The following SREBF1 variants were observed in gnomAD, a reference collection of about 807,000 sequenced individuals.
The protein encoded by SREBF1 is sterol regulatory element-binding protein 1.
In SREBF1, 45 loss-of-function variants were observed where a neutral mutation model predicts 100.1. The ratio of observed to expected loss-of-function variants is 0.45; its 90% CI spans 0.35 to 0.58. The LOEUF (loss-of-function observed/expected upper bound fraction) is 0.58, where lower values mean the gene tolerates loss of function less well. Among genes scored for constraint, SREBF1 ranks in the 20% least tolerant of loss-of-function variants. SREBF1 has a pLI of 0.00. For synonymous variants in SREBF1, 657 were observed against 681.8 expected, an observed-to-expected ratio of 0.96 and a Z score of 0.57; for missense variants, 1,324 against 1,539.4, an observed-to-expected ratio of 0.86 and a Z score of 2.34.
intron 1 of SREBF1, among the ~76,000 whole-genome samples, chr17:17,822,387 A>C (rs1356585534): frequency 6.6e-6 from 1 of 152,248 alleles, no homozygotes; most frequent in African/African-American, 2.4e-5. Flanking sequence ...CCTGCAGCCA[A>C]GTAGCCTCAA....
At chr17:17,818,214 G>C (rs1370771541) in intron 6 of SREBF1, 46 bp downstream of exon 6, 9 of 1,542,268 alleles carry the variant, frequency 5.8e-6, no homozygotes, top group Non-Finnish European at 8.1e-6. Flanking sequence ...GGTGGAGCAA[G>C]GCTAGAGAAG....
intron 1 of SREBF1, among the ~76,000 whole-genome samples, chr17:17,833,321 G>A (rs1211405855): frequency 6.7e-6 from 1 of 149,714 alleles, no homozygotes; most frequent in African/African-American, 2.5e-5. Context: ...CTACTCGGGA[G>A]GCTGAGGCAG....
Position 17,817,339 on chromosome 17 carries a change from C to G in SREBF1, c.1523G>C (p.Gly508Ala), listed in dbSNP as rs2033697326. Residue 508 changes from glycine (G) to alanine (A), a missense_variant, in exon 8 of 19, where the codon GGG becomes GCG. Gly to Ala is a moderately conservative substitution (Grantham distance 60). Transcript: ENST00000261646. This position sits in a 1 kb window ranked among gnomAD's most constrained non-coding sequence, Gnocchi z 6.6. Reference sequence around the variant, plus strand: ...TGAGGGGCTGGGAAGCCCCCGGGCCCCCAGCAAGGAGGCCAAGGGGTTGCA... The same window carrying G: ...TGAGGGGCTGGGAAGCCCCCGGGCCGCCAGCAAGGAGGCCAAGGGGTTGCA... ...LSCNPLASLLGARGLPSPSDT... is the reference protein window; with the variant it reads ...LSCNPLASLLAARGLPSPSDT... 6.2e-7 allele frequency: 1 copy of G among 1,606,800 alleles called. No individual in the cohort carries two copies. The highest frequency in any genetic ancestry group is 1.3e-5 in the African/African-American group (1 of 74,814).
rs746664567 is a variant in SREBF1, at chr17:17,820,134, G to T, written c.479C>A (p.Thr160Asn). The change falls in exon 2 of 19, where the codon ACC becomes AAC. Residue 160 changes from threonine to asparagine, a missense_variant. Thr to Asn is a moderately conservative substitution (Grantham distance 65). Transcript: ENST00000261646. ...PAPAPPQFSS[T>N]PVLGYPSPPG... Reference sequence around the variant, plus strand: ...AGGGCTGGGGTAGCCTAACACAGGGGTGGAGCTGAACTGCGGTGGGGCTGG... The same window carrying T: ...AGGGCTGGGGTAGCCTAACACAGGGTTGGAGCTGAACTGCGGTGGGGCTGG... The T allele has an allele frequency of 2.5e-6, 4 of 1,613,064 alleles. No homozygotes were observed. The Admixed American group carries it at 5.0e-5, about 20-fold the overall frequency.
chr17:17,832,947 A>C (rs1598142210), intron 1 of SREBF1, among the ~76,000 whole-genome samples: 1 of 151,500 alleles, frequency 6.6e-6, no homozygotes, highest in African/African-American at 2.4e-5. Context: ...AAAAAAAAAA[A>C]CAAAGAAAAA....
rs1469937808 is a variant in SREBF1, at chr17:17,813,684, G to T, written c.2987C>A (p.Ala996Glu). Residue 996 changes from alanine to glutamate, a missense_variant, in exon 17 of 19, where the codon GCA becomes GAA. Coordinates refer to ENST00000261646, the MANE Select transcript of SREBF1 (RefSeq NM_004176.5). ...GGGCCTGCTGCTGGTGCCCTGGGCT[G>T]CTGGGGCCGGGGCCGGGGGCTGCTG... ...RQQQPPAPAP[A>E]AQGTSSRPQA... 6.5e-7 allele frequency: 1 copy of T among 1,544,230 alleles called. No individual in the cohort carries two copies. Among genetic ancestry groups the T allele is most frequent in the African/African-American group, 1.4e-5 (1 of 73,376 alleles).
At chr17:17,834,386 G>A (rs2035099180) in intron 1 of SREBF1, among the ~76,000 whole-genome samples, 1 of 152,146 alleles carries the variant, frequency 6.6e-6, no homozygotes, top group Non-Finnish European at 1.5e-5. Flanking sequence ...CACCACCCCA[G>A]GTCTAAAGAT....
At chr17:17,833,962 C>A (rs1321964934) in intron 1 of SREBF1, among the ~76,000 whole-genome samples, 1 of 151,528 alleles carries the variant, frequency 6.6e-6, no homozygotes, top group Non-Finnish European at 1.5e-5. Flanking sequence ...AAGAGCGAGA[C>A]CCTGTCTCAA....
Position 17,815,685 on chromosome 17 carries a change from C to A in SREBF1, c.2383+175G>T, listed in dbSNP as rs538485538. ...TCCCTGCATGTGCTTCTGAAAGCCC[C>A]AATGGGAACGAGAGGCACCCAGGCC... On this transcript the variant is annotated intron_variant, in intron 12 of 18. Transcript: ENST00000261646. 76 of 681,488 alleles carry A rather than the reference C, an allele frequency of 1.1e-4. No individual in the cohort carries two copies. The East Asian group carries it at 2.0e-3, about 18-fold the overall frequency. 42.2% of individuals were successfully genotyped at this position (681,488 alleles called of 1,614,324 possible). A position where few individuals can be genotyped will look rare whatever the true frequency, so the allele number is the denominator to read the frequency against.
intron 1 of SREBF1, chr17:17,823,701 G>A: frequency 1.7e-6 from 1 of 592,802 alleles, no homozygotes; most frequent in Non-Finnish European, 2.0e-6. Flanking sequence ...GCCCCGCCCC[G>A]CCTGCAGGTC....
At position 17,819,029 on chromosome 17, in the gene SREBF1, AC is replaced by A; in HGVS notation, c.1051del (p.Val351TrpfsTer7). 1 of 1,613,422 alleles carries A rather than the reference AC, an allele frequency of 6.2e-7. No homozygotes were observed. Among genetic ancestry groups the A allele is most frequent in the Non-Finnish European group, 8.5e-7 (1 of 1,179,998 alleles). ...TCTCCACACCTTTGCCTCAGTGCCC[AC>A]CACCAGATCCTTGAGCTCAATGATT... Reference protein sequence around the residue: ...DKIIELKDLVVGTEAKLNKSA... With the variant: ...DKIIELKDLVXGTEAKLNKSA... On this transcript the variant is annotated frameshift_variant, in exon 5 of 19. Coordinates refer to ENST00000261646, the MANE Select transcript of SREBF1 (RefSeq NM_004176.5). LOFTEE classifies it high-confidence loss of function.
intron 9 of SREBF1, 34 bp from the exon 10 acceptor site, chr17:17,816,752 A>G: frequency 6.4e-7 from 1 of 1,566,900 alleles, no homozygotes; most frequent in East Asian, 2.4e-5. Flanking sequence ...GAGAAAAGTG[A>G]GGTCAGAGCA....
chr17:17,812,750 C>T lies in SREBF1; in HGVS notation c.3316G>A (p.Gly1106Arg), dbSNP rs768104999. 5 of 1,548,494 alleles carry T rather than the reference C, an allele frequency of 3.2e-6. No individual in the cohort carries two copies. Among genetic ancestry groups the T allele is most frequent in the African/African-American group, 1.4e-5 (1 of 73,270 alleles). ...TCAGCCAGCATGCCCACGCGCTGCCCGGGCGCCGACAGGAAGCCGGGGGGC... is the reference window on the plus strand; with the variant it reads ...TCAGCCAGCATGCCCACGCGCTGCCTGGGCGCCGACAGGAAGCCGGGGGGC... Reference protein sequence around the residue: ...YLPPGFLSAPGQRVGMLAEAA... With the variant: ...YLPPGFLSAPRQRVGMLAEAA... The change falls in exon 19 of 19, where the codon GGG (glycine) becomes AGG (arginine). Residue 1106 changes from glycine (G) to arginine (R), a missense_variant. Physicochemically the swap from Gly to Arg is moderately radical, Grantham distance 125 (BLOSUM62 -2). Coordinates refer to ENST00000261646, the MANE Select transcript of SREBF1 (RefSeq NM_004176.5).
intron 13 of SREBF1, 118 bp from the exon 14 acceptor site, chr17:17,815,062 C>T: frequency 8.0e-7 from 1 of 1,243,040 alleles, no homozygotes; most frequent in South Asian, 1.3e-5. Context: ...ACTGTCTCCT[C>T]CCACAGGCTG....
Position 17,811,678 on chromosome 17 carries a change from T to G in SREBF1, c.*944A>C, listed in dbSNP as rs1001303957. The G allele has an allele frequency of 2.2e-6, 1 of 452,034 alleles. No individual in the cohort carries two copies. The highest frequency in any genetic ancestry group is 4.4e-6 in the Non-Finnish European group (1 of 225,260). The allele number at this position is 452,034 out of a possible 1,614,324, so 28.0% of individuals were successfully genotyped here. ...GCTGTGAGATGACCAGGGGCCGGGATGGGGGAGGTGAGACGTGCCAGACTT... is the reference window on the plus strand; with the variant it reads ...GCTGTGAGATGACCAGGGGCCGGGAGGGGGGAGGTGAGACGTGCCAGACTT... On this transcript the variant is annotated 3_prime_UTR_variant, in exon 19 of 19. Coordinates refer to ENST00000261646, the MANE Select transcript of SREBF1 (RefSeq NM_004176.5).
intron 1 of SREBF1, among the ~76,000 whole-genome samples, chr17:17,829,205 A>AAAAAAAAAAAATAT (rs1210718799): frequency 1.5e-5 from 1 of 65,876 alleles, no homozygotes; most frequent in Non-Finnish European, 2.9e-5. Flanking sequence ...AAAAAAAAAA[A>AAAAAAAAAAAATAT]ATATATATAT....
rs779739510 is a variant in SREBF1 at position 17,814,367 on chromosome 17, G to A, written c.2779C>T (p.Arg927Trp). The A allele has an allele frequency of 1.4e-5, 22 of 1,567,592 alleles. No homozygotes were observed. In the East Asian group the frequency reaches 1.4e-4, roughly 10 times the overall value. Residue 927 changes from arginine to tryptophan, a missense_variant, in exon 16 of 19, where the codon CGG (arginine) becomes TGG (tryptophan). Arg to Trp is a moderately radical substitution (Grantham distance 101, BLOSUM62 -3). Transcript: ENST00000261646. ...RAALHSFKAARALLGCAKAES... is the reference protein window; with the variant it reads ...RAALHSFKAAWALLGCAKAES... ...GCCTTGGCACAGCCCAGCAGGGCCC[G>A]GGCAGCCTTGAAGGAGTGCAGAGCT...
intron 16 of SREBF1, 184 bp downstream of exon 16, chr17:17,814,061 T>G: frequency 1.4e-6 from 1 of 723,420 alleles, no homozygotes. Context: ...TGAGGCCAGA[T>G]AGGGGCAACC....
Position 17,818,317 on chromosome 17 carries a change from T to C in SREBF1, c.1126A>G (p.Ser376Gly). 6.2e-7 allele frequency: 1 copy of C among 1,613,842 alleles called. No individual in the cohort carries two copies. Among genetic ancestry groups the C allele is most frequent in the Non-Finnish European group, 8.5e-7 (1 of 1,179,988 alleles). The change falls in exon 6 of 19, where the codon AGC becomes GGC. Residue 376 changes from serine (S) to glycine (G), a missense_variant. By Grantham distance (56) the Ser-to-Gly change is moderately conservative. Coordinates refer to ENST00000261646, the MANE Select transcript of SREBF1 (RefSeq NM_004176.5). ...AIDYIRFLQH[S>G]NQKLKQENLS... ...TTCTCCTGCTTGAGTTTCTGGTTGC[T>C]GTGTTGCAGAAAGCGAATGTAGTCG...
Sources: allele counts gnomAD v4.1 joint callset (sites outside exome capture counted in the v4.1 genomes callset), GRCh38; gene constraint gnomAD v4.1.1; non-coding constraint Gnocchi (gnomAD v3.1); transcripts MANE v1.5; gene names NCBI Gene and HGNC (gene_info 2026-07-23, HGNC 2026-07-21).